SNX29: variants seen among roughly 807,000 people sequenced by gnomAD.
The protein encoded by SNX29 is sorting nexin-29.
A neutral mutation model predicts 102.1 loss-of-function variants in SNX29; 78 were observed. That is an observed-to-expected ratio of 0.76 (90% confidence interval 0.64 to 0.92). The LOEUF is 0.92. Among genes scored for constraint, SNX29 ranks in the 40% least tolerant of loss-of-function variants. SNX29 has a pLI of 0.00. For missense variants in SNX29, 1,280 were observed against 1,061.7 expected (o/e 1.21, Z -2.86); for synonymous variants, 580 against 414.5 (o/e 1.40, Z -4.85).
At chr16:12,551,185 CCA>C (rs1238601852) in intron 20 of SNX29, among the ~76,000 whole-genome samples, 2 of 152,060 alleles carry the variant, frequency 1.3e-5, no homozygotes, top group African/African-American at 2.4e-5. Context: ...GCAGACTTCC[CCA>C]CAGAGAGCCT....
intron 20 of SNX29, among the ~76,000 whole-genome samples, chr16:12,555,638 C>G (rs530393602): frequency 2.0e-5 from 3 of 152,030 alleles, no homozygotes; most frequent in Non-Finnish European, 2.9e-5. Flanking sequence ...CTGAGTAACC[C>G]CACTGATGCC....
chr16:12,350,968 A>G (rs2081976601), intron 15 of SNX29, among the ~76,000 whole-genome samples: 1 of 152,178 alleles, frequency 6.6e-6, no homozygotes, highest in Admixed American at 6.5e-5. Context: ...AATTGTCCTT[A>G]ACCACCAAAG....
At chr16:12,552,949 C>G (rs1470179025) in intron 20 of SNX29, among the ~76,000 whole-genome samples, 1 of 152,202 alleles carries the variant, frequency 6.6e-6, no homozygotes, top group African/African-American at 2.4e-5. Context: ...GCCACGTCAT[C>G]AGGAACATGG....
At chr16:12,221,338 G>A (rs996276158) in intron 14 of SNX29, among the ~76,000 whole-genome samples, 2 of 152,214 alleles carry the variant, frequency 1.3e-5, no homozygotes, top group Non-Finnish European at 2.9e-5. Context: ...AGATGGACCA[G>A]GTGTGGTGGC....
At chr16:12,171,116 C>T (rs1317625580) in intron 13 of SNX29, among the ~76,000 whole-genome samples, 2 of 152,088 alleles carry the variant, frequency 1.3e-5, no homozygotes, top group East Asian at 3.9e-4. Flanking sequence ...CTCATGGACC[C>T]TGTGGGACAG....
chr16:12,415,316 C>CT (rs1313491314), intron 18 of SNX29, among the ~76,000 whole-genome samples: 2 of 152,232 alleles, frequency 1.3e-5, no homozygotes, highest in Admixed American at 1.3e-4. Context: ...GACAGCCTTG[C>CT]TGCCCACTCG....
intron 16 of SNX29, among the ~76,000 whole-genome samples, chr16:12,389,904 C>T (rs2083464293): frequency 6.6e-6 from 1 of 152,230 alleles, no homozygotes; most frequent in Admixed American, 6.5e-5. Context: ...CCTTGTTTCC[C>T]TCATCTGAAG....
At chr16:12,230,997 T>A (rs1427789180) in intron 14 of SNX29, among the ~76,000 whole-genome samples, 1 of 151,966 alleles carries the variant, frequency 6.6e-6, no homozygotes, top group Admixed American at 6.6e-5. Flanking sequence ...TCTGTAGGCA[T>A]GTACCACCAC....
intron 18 of SNX29, among the ~76,000 whole-genome samples, chr16:12,467,730 T>A (rs2151781904): frequency 6.6e-6 from 1 of 152,346 alleles, no homozygotes; most frequent in Middle Eastern, 3.4e-3. Context: ...GTGTTTCTTT[T>A]GTACTTCCTG....
chr16:12,063,586 C>G (rs536019001), intron 9 of SNX29, among the ~76,000 whole-genome samples: 12 of 151,938 alleles, frequency 7.9e-5, no homozygotes, highest in Admixed American at 2.0e-4. Flanking sequence ...GCCATGTTGG[C>G]CAGACTGATC....
chr16:12,392,900 T>C (rs2083581925), intron 16 of SNX29, among the ~76,000 whole-genome samples: 1 of 152,220 alleles, frequency 6.6e-6, no homozygotes, highest in Admixed American at 6.5e-5. Context: ...CCAGGCTGAC[T>C]TTATGATCAG....
intron 11 of SNX29, among the ~76,000 whole-genome samples, chr16:12,120,997 C>G (rs2053949062): frequency 6.6e-6 from 1 of 152,248 alleles, no homozygotes; most frequent in Non-Finnish European, 1.5e-5. Context: ...CTGTCCAGCT[C>G]ATCCCATGCT....
Position 12,494,371 on chromosome 16 carries a change from G to A in SNX29, c.2178+16512G>A, listed in dbSNP as rs551043790. 2.0e-5 allele frequency among the ~76,000 whole-genome samples: 3 copies of A among 152,292 alleles called. No individual in the cohort carries two copies. In the East Asian group the frequency reaches 5.8e-4, roughly 29 times the overall value. On this transcript the variant is annotated intron_variant, in intron 19 of 20. Transcript: ENST00000566228. ...TCCTTCCTCGCTGGACTTGTTTTCTGGGGGAGCAGTTCCGCATCAGACTCC... is the reference window on the plus strand; with the variant it reads ...TCCTTCCTCGCTGGACTTGTTTTCTAGGGGAGCAGTTCCGCATCAGACTCC...
chr16:12,071,013 T>G (rs961396039), intron 10 of SNX29, among the ~76,000 whole-genome samples: 12 of 151,988 alleles, frequency 7.9e-5, no homozygotes, highest in African/African-American at 2.9e-4. Flanking sequence ...CACTTTTTGA[T>G]GGGGTTGTTT....
At chr16:12,308,464 T>G (rs957827931) in intron 15 of SNX29, among the ~76,000 whole-genome samples, 9 of 152,176 alleles carry the variant, frequency 5.9e-5, no homozygotes, top group Admixed American at 1.3e-4. Flanking sequence ...CTGGCACTTC[T>G]GGGGCCCTCT....
intron 15 of SNX29, among the ~76,000 whole-genome samples, chr16:12,341,687 G>A (rs372688694): frequency 6.6e-6 from 1 of 152,212 alleles, no homozygotes; most frequent in Non-Finnish European, 1.5e-5. Flanking sequence ...GGAAGGGATG[G>A]TGCAGGGTCA....
chr16:12,147,078 A>T (rs2055094659), intron 13 of SNX29, among the ~76,000 whole-genome samples: 1 of 152,246 alleles, frequency 6.6e-6, no homozygotes, highest in African/African-American at 2.4e-5. Flanking sequence ...TGACGAACTC[A>T]ACTTTTTAGG....
At chr16:12,125,071 C>G (rs115687856) in intron 11 of SNX29, among the ~76,000 whole-genome samples, 2 of 152,088 alleles carry the variant, frequency 1.3e-5, no homozygotes, top group Non-Finnish European at 2.9e-5. Context: ...CTCCTCTGCT[C>G]GTGTGTGTCA....
At chr16:12,025,600 G>T (rs2057168455) in intron 3 of SNX29, among the ~76,000 whole-genome samples, 1 of 152,166 alleles carries the variant, frequency 6.6e-6, no homozygotes, top group South Asian at 2.1e-4. Context: ...TGCCTAATAG[G>T]CTCCCTTCTG....
Sources: gnomAD v4.1 joint callset for allele counts (sites outside exome capture counted in the v4.1 genomes callset) on GRCh38, gnomAD v4.1.1 for gene constraint, MANE v1.5 for transcripts, NCBI Gene and HGNC (gene_info 2026-07-23, HGNC 2026-07-21) for gene names.